The following CSMD1 variants were observed in gnomAD, a reference collection of about 807,000 sequenced individuals.
CSMD1 encodes the protein CUB and sushi domain-containing protein 1.
A neutral mutation model predicts 417.5 loss-of-function variants in CSMD1; 213 were observed. The observed-to-expected ratio is 0.51, with a 90% CI of 0.46 to 0.57. The LOEUF (loss-of-function observed/expected upper bound fraction) is 0.57, where lower values mean the gene tolerates loss of function less well. Among genes scored for constraint, CSMD1 ranks in the 20% least tolerant of loss-of-function variants. CSMD1 has a pLI of 0.00. For synonymous variants in CSMD1, 2,862 were observed against 1,736.8 expected (o/e 1.65, Z -16.11); for missense variants, 6,923 against 4,529.7 (o/e 1.53, Z -15.17).
intron 37 of CSMD1, among the ~76,000 whole-genome samples, chr8:3,176,724 C>T (rs968578781): frequency 3.3e-5 from 5 of 152,152 alleles, no homozygotes; most frequent in South Asian, 2.1e-4. Context: ...CAGGGAGCTG[C>T]GTGGCAGGTA....
At chr8:3,147,669 A>G (rs1057510330) in intron 40 of CSMD1, among the ~76,000 whole-genome samples, 26 of 152,196 alleles carry the variant, frequency 1.7e-4, no homozygotes, top group African/African-American at 6.0e-4. Flanking sequence ...TTGCAAGTTT[A>G]AGTAGACACA....
intron 39 of CSMD1, among the ~76,000 whole-genome samples, chr8:3,157,675 C>G (rs114805456): frequency 1.3e-5 from 2 of 152,208 alleles, no homozygotes. Context: ...CTGGTCTGTG[C>G]GGGCTGACCC....
chr8:3,411,460 C>T (rs571099953), intron 12 of CSMD1, among the ~76,000 whole-genome samples: 32 of 151,888 alleles, frequency 2.1e-4, no homozygotes, highest in Non-Finnish European at 3.5e-4. Context: ...ACCCTTTCCC[C>T]GAGTCCCCAA....
intron 5 of CSMD1, among the ~76,000 whole-genome samples, chr8:3,956,018 C>T (rs181321907): frequency 6.6e-6 from 1 of 152,202 alleles, no homozygotes; most frequent in Non-Finnish European, 1.5e-5. Context: ...TGGTCTCGAA[C>T]TCCTGACCTC....
At chr8:4,641,068 A>C (rs1006933270) in intron 1 of CSMD1, among the ~76,000 whole-genome samples, 1 of 151,488 alleles carries the variant, frequency 6.6e-6, no homozygotes. Context: ...ATATATGAAC[A>C]CACTCTGTGA....
chr8:4,223,794 C>T lies in CSMD1; in HGVS notation c.416-191695G>A, dbSNP rs551840317. ...CTAGTCTGATGCAAATTAAAAAGCC[C>T]CTTGGCCAATAACAACCAGTGAAAC... On this transcript the variant is annotated intron_variant, in intron 3 of 69. Coordinates refer to ENST00000635120, the MANE Select transcript of CSMD1 (RefSeq NM_033225.6). Among the ~76,000 whole-genome samples, 5 of 152,214 alleles carry T rather than the reference C, an allele frequency of 3.3e-5. No homozygotes were observed. In the South Asian group the frequency reaches 1.0e-3, roughly 32 times the overall value.
intron 12 of CSMD1, among the ~76,000 whole-genome samples, chr8:3,441,734 C>T (rs1183190410): frequency 6.6e-6 from 1 of 152,110 alleles, no homozygotes; most frequent in Non-Finnish European, 1.5e-5. Flanking sequence ...AGCAGTGCAA[C>T]TGTACACAGC....
chr8:3,787,554 G>C (rs761747516), intron 5 of CSMD1, among the ~76,000 whole-genome samples: 1 of 152,160 alleles, frequency 6.6e-6, no homozygotes, highest in African/African-American at 2.4e-5. Context: ...GAATAGGTAA[G>C]AAGATACAGA....
chr8:3,424,025 G>A (rs1019324176), intron 12 of CSMD1, among the ~76,000 whole-genome samples: 21 of 152,036 alleles, frequency 1.4e-4, no homozygotes, highest in African/African-American at 3.1e-4. Flanking sequence ...AAGCTCTTCC[G>A]TACCATTTTA....
At chr8:4,152,438 G>A (rs1796616377) in intron 3 of CSMD1, among the ~76,000 whole-genome samples, 1 of 151,770 alleles carries the variant, frequency 6.6e-6, no homozygotes, top group Non-Finnish European at 1.5e-5. Flanking sequence ...CAGCAATTTG[G>A]CCAAGGCAAG....
intron 3 of CSMD1, among the ~76,000 whole-genome samples, chr8:4,338,172 A>T (rs1334498260): frequency 6.6e-6 from 1 of 152,162 alleles, no homozygotes; most frequent in Non-Finnish European, 1.5e-5. Context: ...TTACAAAAAT[A>T]TTGGTACTAA....
intron 5 of CSMD1, among the ~76,000 whole-genome samples, chr8:3,848,796 G>A (rs945519007): frequency 4.6e-5 from 7 of 151,976 alleles, no homozygotes; most frequent in African/African-American, 1.7e-4. Flanking sequence ...AGAAAAAAAT[G>A]ATTAGCAGCG....
rs1798946354 is a variant in CSMD1, at chr8:4,448,473, C to T, written c.303-28408G>A. On this transcript the variant is annotated intron_variant, in intron 2 of 69. Transcript: ENST00000635120. ...AGCTATTTTCCCTTAAATACTTTCCCAGACAACAGCAGAAAGGAAGCTCAG... is the reference window on the plus strand; with the variant it reads ...AGCTATTTTCCCTTAAATACTTTCCTAGACAACAGCAGAAAGGAAGCTCAG... 2.0e-5 allele frequency among the ~76,000 whole-genome samples: 3 copies of T among 152,150 alleles called. No individual in the cohort carries two copies. In the South Asian group the frequency reaches 6.2e-4, roughly 32 times the overall value.
At chr8:3,820,045 T>C (rs1321971228) in intron 5 of CSMD1, among the ~76,000 whole-genome samples, 1 of 152,182 alleles carries the variant, frequency 6.6e-6, no homozygotes, top group East Asian at 1.9e-4. Flanking sequence ...TAGAAAAATC[T>C]CATTCGAGTA....
At chr8:3,956,442 C>T (rs1365391682) in intron 5 of CSMD1, among the ~76,000 whole-genome samples, 2 of 152,096 alleles carry the variant, frequency 1.3e-5, no homozygotes, top group Admixed American at 6.5e-5. Context: ...TATGCTGTTG[C>T]CTTGTGATAG....
At chr8:3,456,435 G>C (rs576917574) in intron 12 of CSMD1, among the ~76,000 whole-genome samples, 8 of 152,202 alleles carry the variant, frequency 5.3e-5, no homozygotes, top group African/African-American at 1.7e-4. Flanking sequence ...GGCCATCTTG[G>C]CTCCACCCCT....
At chr8:3,274,122 G>T (rs1206049133) in intron 26 of CSMD1, among the ~76,000 whole-genome samples, 1 of 151,856 alleles carries the variant, frequency 6.6e-6, no homozygotes, top group Non-Finnish European at 1.5e-5. Flanking sequence ...ACTCTGGTAT[G>T]TTGTGTCTTT....
At position 3,523,006 on chromosome 8, in the gene CSMD1, TACACACACCC is replaced by T. The variant is rs1260759295; in HGVS notation, c.1345-29290_1345-29281del. 7.8e-3 allele frequency among the ~76,000 whole-genome samples: 881 copies of T among 113,382 alleles called. 8 individuals carry two copies. Among genetic ancestry groups the T allele is most frequent in the African/African-American group, 0.028 (791 of 27,982 alleles). The allele number at this position is 113,382 out of a possible 152,430, so 74.4% of individuals were successfully genotyped here. On this transcript the variant is annotated intron_variant, in intron 10 of 69. Transcript: ENST00000635120. ...TACATACAAAATGGAGATACATATA[TACACACACCC>T]ACACACACACACACACACACACACT...
intron 1 of CSMD1, among the ~76,000 whole-genome samples, chr8:4,941,454 G>T (rs11786777): frequency 6.6e-6 from 1 of 151,832 alleles, no homozygotes; most frequent in Non-Finnish European, 1.5e-5. Flanking sequence ...TGTACAACAA[G>T]TGTGCCACAA....
Sources: allele counts gnomAD v4.1 joint callset (sites outside exome capture counted in the v4.1 genomes callset), GRCh38; gene constraint gnomAD v4.1.1; transcripts MANE v1.5; gene names NCBI Gene and HGNC (gene_info 2026-07-23, HGNC 2026-07-21).